PSMA8: variants seen among roughly 807,000 people sequenced by gnomAD.
PSMA8 encodes the protein proteasome subunit alpha-type 8.
Under a neutral mutation model 32.4 loss-of-function variants are expected in PSMA8, and 18 were observed. The observed-to-expected ratio is 0.56, with a 90% CI of 0.38 to 0.82. The LOEUF (loss-of-function observed/expected upper bound fraction) is 0.82, where lower values mean the gene tolerates loss of function less well. Ranked by LOEUF, PSMA8 falls within the 40% of genes least tolerant of loss-of-function variation. The pLI, the probability that PSMA8 is intolerant of heterozygous loss-of-function variation, is 0.00. For synonymous variants in PSMA8, 104 were observed against 98.1 expected, an observed-to-expected ratio of 1.06 and a Z score of -0.36; for missense variants, 298 against 300.7, an observed-to-expected ratio of 0.99 and a Z score of 0.07.
chr18:26,174,117 A>T (rs2055246207), intron 4 of PSMA8, among the ~76,000 whole-genome samples: 1 of 152,224 alleles, frequency 6.6e-6, no homozygotes, highest in Non-Finnish European at 1.5e-5. Context: ...TTCATTTTAC[A>T]GCAAACACTA....
chr18:26,171,222 T>G (rs1178097834), intron 4 of PSMA8: 2 of 1,558,996 alleles, frequency 1.3e-6, no homozygotes, highest in Non-Finnish European at 1.7e-6. Flanking sequence ...CCAGGGCAGG[T>G]CCCCGTTCTT....
chr18:26,176,815 C>T (rs2144340659), intron 4 of PSMA8, among the ~76,000 whole-genome samples: 1 of 152,212 alleles, frequency 6.6e-6, no homozygotes, highest in African/African-American at 2.4e-5. Flanking sequence ...CACCTATAAT[C>T]CCAGCTACTC....
intron 2 of PSMA8, among the ~76,000 whole-genome samples, chr18:26,145,548 G>A (rs1162616041): frequency 1.3e-5 from 2 of 152,070 alleles, no homozygotes; most frequent in Non-Finnish European, 2.9e-5. Flanking sequence ...CTACTTTCTG[G>A]AAACTGCTAT....
chr18:26,153,150 A>G lies in PSMA8; in HGVS notation c.354+1168A>G, dbSNP rs565691020. Among the ~76,000 whole-genome samples the G allele has an allele frequency of 1.2e-3, 179 of 152,292 alleles. 1 individual carries two copies. The highest frequency in any genetic ancestry group is 4.0e-3 in the African/African-American group (168 of 41,576). On this transcript the variant is annotated intron_variant, in intron 3 of 6. Transcript: ENST00000415576. ...TTTTTACTAATTTTAAGTATATTTT[A>G]TATATGCAACATTGTCTTTTTAGTT...
At chr18:26,149,178 G>T (rs1452025056) in intron 2 of PSMA8, among the ~76,000 whole-genome samples, 5 of 151,920 alleles carry the variant, frequency 3.3e-5, no homozygotes. Context: ...GAACCGTCAG[G>T]AAAGGAAATT....
At chr18:26,179,421 G>A (rs781218297) in intron 6 of PSMA8, among the ~76,000 whole-genome samples, 1 of 151,792 alleles carries the variant, frequency 6.6e-6, no homozygotes, top group Non-Finnish European at 1.5e-5. Context: ...GTGAGCCACC[G>A]CAGTCGTCCT....
intron 6 of PSMA8, among the ~76,000 whole-genome samples, chr18:26,180,965 C>T (rs940503584): frequency 2.6e-5 from 4 of 152,110 alleles, no homozygotes; most frequent in African/African-American, 7.2e-5. Flanking sequence ...ATGAGTCTAA[C>T]GATACCTTCA....
At position 26,192,188 on chromosome 18, in the gene PSMA8, T is replaced by C. The variant is rs547922167; in HGVS notation, c.661-131T>C. 4.0e-4 allele frequency: 316 copies of C among 798,826 alleles called. 2 individuals carry two copies. In the African/African-American group the frequency reaches 5.5e-3, roughly 14 times the overall value. 49.5% of individuals were successfully genotyped at this position (798,826 alleles called of 1,614,324 possible). A position where few individuals can be genotyped will look rare whatever the true frequency, so the allele number is the denominator to read the frequency against. ...AGACCTCTTGAAATGCTTCATTGTA[T>C]ATTTGAAGTTACAAAATATAAAGTT... On this transcript the variant is annotated intron_variant, in intron 6 of 6. Transcript: ENST00000415576.
intron 6 of PSMA8, among the ~76,000 whole-genome samples, chr18:26,180,827 T>C (rs2055305225): frequency 6.6e-6 from 1 of 152,202 alleles, no homozygotes; most frequent in Non-Finnish European, 1.5e-5. Flanking sequence ...GGATAGGCTA[T>C]GTAGGGAATA....
rs569966469 is a variant in PSMA8 at position 26,184,544 on chromosome 18, G to A, written c.660+5414G>A. ...TCTCAGCACTTTGGGAGGCTGAGGCGGGTGGATCACCTGAGGTCAGGGGTT... is the reference window on the plus strand; with the variant it reads ...TCTCAGCACTTTGGGAGGCTGAGGCAGGTGGATCACCTGAGGTCAGGGGTT... On this transcript the variant is annotated intron_variant, in intron 6 of 6. Transcript: ENST00000415576. Among the ~76,000 whole-genome samples the A allele has an allele frequency of 2.0e-4, 30 of 149,898 alleles. 3 individuals carry two copies. The highest frequency in any genetic ancestry group is 3.4e-4 in the Non-Finnish European group (23 of 67,540).
chr18:26,163,232 T>TAATATATATATA (rs1419143769), intron 4 of PSMA8, among the ~76,000 whole-genome samples: 1 of 108,194 alleles, frequency 9.2e-6, no homozygotes, highest in African/African-American at 4.1e-5. Flanking sequence ...TATATATATA[T>TAATATATATATA]ATATATATAT....
At position 26,134,081 on chromosome 18, in the gene PSMA8, T is replaced by A; in HGVS notation, c.102+14T>A. 6.3e-7 allele frequency: 1 copy of A among 1,592,796 alleles called. No individual in the cohort carries two copies. The highest frequency in any genetic ancestry group is 8.6e-7 in the Non-Finnish European group (1 of 1,160,646). On this transcript the variant is annotated intron_variant, in intron 1 of 6. Transcript: ENST00000415576. Reference sequence around the variant, plus strand: ...GGATCCACCGCGGTGAGGAAGCAACTATTACCGGACTATTCCCCGCTCTGA... The same window carrying A: ...GGATCCACCGCGGTGAGGAAGCAACAATTACCGGACTATTCCCCGCTCTGA...
chr18:26,188,176 TC>T (rs1033435007), intron 6 of PSMA8, among the ~76,000 whole-genome samples: 3 of 151,914 alleles, frequency 2.0e-5, no homozygotes, highest in African/African-American at 7.2e-5. Flanking sequence ...AACAATATGC[TC>T]CTGAATGACC....
Position 26,178,815 on chromosome 18 carries a change from CTT to C in PSMA8, c.478-12_478-11del, listed in dbSNP as rs2055285089. 1.2e-5 allele frequency: 19 copies of C among 1,601,712 alleles called. No individual in the cohort carries two copies. Among genetic ancestry groups the C allele is most frequent in the Non-Finnish European group, 1.5e-5 (18 of 1,175,100 alleles). On this transcript the variant is annotated splice_polypyrimidine_tract_variant and intron_variant, in intron 4 of 6. Coordinates refer to ENST00000415576, the MANE Select transcript of PSMA8 (RefSeq NM_001025096.2). Reference sequence around the variant, plus strand: ...TACTGCAATGATATTAATAAATTAACTTTTATTTTTCAAGGCAAATGCAATAG... The same window carrying C: ...TACTGCAATGATATTAATAAATTAACTTATTTTTCAAGGCAAATGCAATAG...
At chr18:26,160,016 T>C (rs2055122544) in intron 4 of PSMA8, among the ~76,000 whole-genome samples, 4 of 152,188 alleles carry the variant, frequency 2.6e-5, no homozygotes, top group Admixed American at 2.6e-4. Flanking sequence ...AAGTTTACCT[T>C]CCCAACCTGG....
chr18:26,157,864 C>T (rs999830318), intron 3 of PSMA8, among the ~76,000 whole-genome samples: 3 of 152,020 alleles, frequency 2.0e-5, no homozygotes, highest in East Asian at 1.9e-4. Flanking sequence ...TGTTACCAAA[C>T]GTATACAAAG....
intron 6 of PSMA8, among the ~76,000 whole-genome samples, chr18:26,184,268 T>G (rs1256267130): frequency 2.7e-5 from 4 of 150,732 alleles, no homozygotes; most frequent in Non-Finnish European, 5.9e-5. Context: ...TTAAAGCAGC[T>G]GTATCTTTTT....
chr18:26,193,249 G>A lies in PSMA8; in HGVS notation c.*838G>A, dbSNP rs1412224307. ...TGGGGGAACAAGAAAAATATAAAAA[G>A]TGATCTCTGCCCACGGAAAGGATTT... On this transcript the variant is annotated 3_prime_UTR_variant, in exon 7 of 7. Transcript: ENST00000415576. 1 of 152,332 alleles carries A rather than the reference G, an allele frequency of 6.6e-6. No homozygotes were observed. The highest frequency in any genetic ancestry group is 2.1e-4 in the South Asian group (1 of 4,826). The allele number at this position is 152,332 out of a possible 1,614,324, so 9.4% of individuals were successfully genotyped here.
chr18:26,150,278 T>A (rs1034539139), intron 2 of PSMA8, among the ~76,000 whole-genome samples: 2 of 152,184 alleles, frequency 1.3e-5, no homozygotes, highest in Admixed American at 1.3e-4. Flanking sequence ...TTTTTTTCTG[T>A]AGATTGTTTA....
Sources: gnomAD v4.1 joint callset for allele counts (sites outside exome capture counted in the v4.1 genomes callset) on GRCh38, gnomAD v4.1.1 for gene constraint, MANE v1.5 for transcripts, NCBI Gene and HGNC (gene_info 2026-07-23, HGNC 2026-07-21) for gene names.